The following SPMAP1 variants were observed in gnomAD, a reference collection of about 807,000 sequenced individuals.
SPMAP1 encodes the protein sperm microtubule associated protein 1, also known as uncharacterized protein C17orf98.
At chr17:38,837,778 C>G in the SPMAP1 span, among the ~76,000 whole-genome samples, 1 of 152,128 alleles carries the variant, frequency 6.6e-6, no homozygotes, top group African/African-American at 2.4e-5. Flanking sequence ...GTTTCTGCTG[C>G]CAGACAGGCT....
chr17:38,841,333 C>G, the SPMAP1 span: 3 of 1,614,194 alleles, frequency 1.9e-6, no homozygotes, highest in Admixed American at 1.7e-5. Flanking sequence ...TCACAGCCAC[C>G]CCGTCCAAGA....
At chr17:38,837,627 G>A in the SPMAP1 span, among the ~76,000 whole-genome samples, 7 of 150,314 alleles carry the variant, frequency 4.7e-5, no homozygotes, top group East Asian at 3.9e-4. Context: ...GCAGTGAACC[G>A]AGATCCTGCC....
the SPMAP1 span, among the ~76,000 whole-genome samples, chr17:38,838,209 C>A: frequency 2.0e-5 from 3 of 151,516 alleles, no homozygotes; most frequent in Non-Finnish European, 4.4e-5. Flanking sequence ...TGATTTTGTT[C>A]AGATAAAGGG....
chr17:38,836,811 G>A, the SPMAP1 span, among the ~76,000 whole-genome samples: 1 of 151,866 alleles, frequency 6.6e-6, no homozygotes, highest in South Asian at 2.1e-4. Flanking sequence ...GGCCAGGCTG[G>A]TTTGGAACTC....
At chr17:38,837,691 A>G in the SPMAP1 span, among the ~76,000 whole-genome samples, 1 of 151,666 alleles carries the variant, frequency 6.6e-6, no homozygotes, top group East Asian at 1.9e-4. Context: ...AAAAAAAAAA[A>G]AGAAAAAAAG....
chr17:38,841,125 A>T, the SPMAP1 span: 1 of 1,354,210 alleles, frequency 7.4e-7, no homozygotes, highest in Non-Finnish European at 1.0e-6. Flanking sequence ...CTTTGTGGTG[A>T]GAACGCTGGA....
chr17:38,838,495 G>A, the SPMAP1 span, among the ~76,000 whole-genome samples: 1 of 152,116 alleles, frequency 6.6e-6, no homozygotes, highest in Non-Finnish European at 1.5e-5. Flanking sequence ...AGCTACTCAG[G>A]AGGCTGAGGC....
the SPMAP1 span, among the ~76,000 whole-genome samples, chr17:38,835,570 A>AT: frequency 6.6e-6 from 1 of 152,232 alleles, no homozygotes; most frequent in Non-Finnish European, 1.5e-5. Context: ...ACCAGGAATA[A>AT]TTGCAGGAAA....
the SPMAP1 span, among the ~76,000 whole-genome samples, chr17:38,839,524 C>T: frequency 6.7e-6 from 1 of 149,836 alleles, no homozygotes; most frequent in Non-Finnish European, 1.5e-5. Flanking sequence ...CACGGTGGCT[C>T]ACACCTGTAT....
chr17:38,835,365 G>C, the SPMAP1 span: 8 of 1,613,702 alleles, frequency 5.0e-6, no homozygotes, highest in Non-Finnish European at 5.9e-6. Context: ...CAAGGAGAGA[G>C]AGGCCTGAGC....
chr17:38,838,855 C>G, the SPMAP1 span, among the ~76,000 whole-genome samples: 2 of 151,740 alleles, frequency 1.3e-5, no homozygotes, highest in Non-Finnish European at 2.9e-5. Flanking sequence ...GAGGCTGAGG[C>G]AGGTGGATCA....
chr17:38,836,270 A>G, the SPMAP1 span, among the ~76,000 whole-genome samples: 5 of 152,098 alleles, frequency 3.3e-5, no homozygotes, highest in Middle Eastern at 3.4e-3. Flanking sequence ...CTTTAACTCA[A>G]GAAACTTGTT....
the SPMAP1 span, chr17:38,841,134 G>A: frequency 6.9e-7 from 1 of 1,447,206 alleles, no homozygotes; most frequent in Non-Finnish European, 9.6e-7. Flanking sequence ...GAGAACGCTG[G>A]AGTGAAGATT....
the SPMAP1 span, among the ~76,000 whole-genome samples, chr17:38,837,963 A>T: frequency 1.3e-5 from 2 of 152,086 alleles, no homozygotes; most frequent in African/African-American, 2.4e-5. Context: ...ATCTCGGCTC[A>T]CTGCAACCTC....
chr17:38,841,298 C>G, the SPMAP1 span: 1 of 1,614,152 alleles, frequency 6.2e-7, no homozygotes, highest in Non-Finnish European at 8.5e-7. Context: ...GGGCCTAGAG[C>G]GCCCATAAGC....
At chr17:38,836,861 C>T in the SPMAP1 span, among the ~76,000 whole-genome samples, 1 of 151,666 alleles carries the variant, frequency 6.6e-6, no homozygotes, top group African/African-American at 2.4e-5. Flanking sequence ...TCCCAAAGTG[C>T]TGGGATTACA....
the SPMAP1 span, among the ~76,000 whole-genome samples, chr17:38,837,678 A>G: frequency 7.4e-6 from 1 of 134,890 alleles, no homozygotes; most frequent in East Asian, 2.1e-4. Flanking sequence ...AACTCCATCT[A>G]AAAAAAAAAA....
At chr17:38,836,622 G>A in the SPMAP1 span, among the ~76,000 whole-genome samples, 3 of 122,814 alleles carry the variant, frequency 2.4e-5, no homozygotes, top group Non-Finnish European at 4.7e-5. Context: ...ATGGAGTCTC[G>A]CTGCATCGCC....
the SPMAP1 span, chr17:38,841,255 C>A: frequency 1.2e-6 from 2 of 1,614,164 alleles, no homozygotes; most frequent in Non-Finnish European, 1.7e-6. Context: ...AGTCCTGCTG[C>A]GCGTTGTAGG....
Sources: allele counts gnomAD v4.1 joint callset (sites outside exome capture counted in the v4.1 genomes callset), GRCh38; gene constraint gnomAD v4.1.1; transcripts MANE v1.5; gene names NCBI Gene and HGNC (gene_info 2026-07-23, HGNC 2026-07-21).